Variants in BFSP1 observed in about 807,000 individuals in gnomAD.
BFSP1 encodes beaded filament structural protein 1.
Under a neutral mutation model 43.9 loss-of-function variants are expected in BFSP1, and 38 were observed. That is an observed-to-expected ratio of 0.87 (90% CI 0.67 to 1.14). The LOEUF (loss-of-function observed/expected upper bound fraction) is 1.14, where lower values mean the gene tolerates loss of function less well. BFSP1 is among the 50% of genes most tolerant of loss of function. The pLI is 0.00. For missense variants in BFSP1, 850 were observed against 875.1 expected, an observed-to-expected ratio of 0.97 and a Z score of 0.36; for synonymous variants, 352 against 354.8, an observed-to-expected ratio of 0.99 and a Z score of 0.09.
chr20:17,557,918 T>C (rs535429212), intron 1 of BFSP1, among the ~76,000 whole-genome samples: 94 of 152,332 alleles, frequency 6.2e-4, no homozygotes, highest in African/African-American at 2.2e-3. Flanking sequence ...AATTTTAGTC[T>C]ATTATATTTT....
intron 2 of BFSP1, among the ~76,000 whole-genome samples, chr20:17,517,543 C>G (rs1239960840): frequency 6.6e-6 from 1 of 152,134 alleles, no homozygotes; most frequent in Non-Finnish European, 1.5e-5. Flanking sequence ...CGTGGCCTCC[C>G]AAAGTGCTGG....
At chr20:17,510,361 T>C (rs191563915) in intron 4 of BFSP1, among the ~76,000 whole-genome samples, 2 of 152,330 alleles carry the variant, frequency 1.3e-5, no homozygotes, top group East Asian at 1.9e-4. Context: ...TAAAACACCT[T>C]TGAGTTAGAG....
chr20:17,515,682 T>C (rs2034182589), intron 2 of BFSP1, among the ~76,000 whole-genome samples: 1 of 152,238 alleles, frequency 6.6e-6, no homozygotes, highest in Non-Finnish European at 1.5e-5. Flanking sequence ...TTATATACTT[T>C]GGCATCTTCG....
intron 5 of BFSP1, among the ~76,000 whole-genome samples, chr20:17,502,776 G>A (rs989090669): frequency 4.6e-5 from 7 of 152,098 alleles, no homozygotes; most frequent in East Asian, 3.8e-4. Context: ...TCAAACAGTC[G>A]CCTGTAATAG....
rs11905929 is a variant in BFSP1, at chr20:17,558,457, G to A, written c.2+231C>T. Among the ~76,000 whole-genome samples, 2,765 of 152,216 alleles carry A rather than the reference G, an allele frequency of 0.018. 108 individuals are homozygous for A. The highest frequency in any genetic ancestry group is 0.063 in the African/African-American group (2,619 of 41,504). ...GAAGTGGAGCCACACTTTATTTACC[G>A]AATATGCACTTCTTGTTTCTTGTAA... On this transcript the variant is annotated intron_variant, in intron 1 of 7. Transcript: ENST00000377868.
rs1213119708 is a variant in BFSP1 at position 17,494,158 on chromosome 20, T to C, written c.1914A>G (p.Thr638=). Residue 638 remains threonine (T), a synonymous_variant, in exon 8 of 8, where the codon ACA becomes ACG. Transcript: ENST00000377873. Reference sequence around the variant, plus strand: ...CCACGATCACAGCGGTTTCTTCATATGTCTGAATGCTCTCCGTGGAAATCT... The same window carrying C: ...CCACGATCACAGCGGTTTCTTCATACGTCTGAATGCTCTCCGTGGAAATCT... ...IEKISTESIQ[T]YEETAVIVET... is the part of the protein sequence containing the mutation. 7 of 1,614,094 alleles carry C rather than the reference T, an allele frequency of 4.3e-6. No homozygotes were observed. Among genetic ancestry groups the C allele is most frequent in the Non-Finnish European group, 5.1e-6 (6 of 1,180,054 alleles).
Position 17,544,626 on chromosome 20 carries a change from G to C in BFSP1, c.2+14062C>G, listed in dbSNP as rs143542160. Among the ~76,000 whole-genome samples, 1,178 of 152,290 alleles carry C rather than the reference G, an allele frequency of 7.7e-3. 7 individuals are homozygous for C. The highest frequency in any genetic ancestry group is 0.017 in the South Asian group (81 of 4,820). On this transcript the variant is annotated intron_variant, in intron 1 of 7. Transcript: ENST00000377868. The stretch of plus-strand genomic sequence containing the variant: ...ACCTAACTTAAAAAAATCAGTATGA[G>C]AGTTCCCATTAAATCAACACAGAGT...
At chr20:17,515,276 A>G (rs2034174616) in intron 2 of BFSP1, among the ~76,000 whole-genome samples, 1 of 152,244 alleles carries the variant, frequency 6.6e-6, no homozygotes, top group African/African-American at 2.4e-5. Context: ...GTATATTTAC[A>G]TACCAAATAA....
At chr20:17,520,681 T>C (rs2034304231) in intron 2 of BFSP1, among the ~76,000 whole-genome samples, 1 of 152,154 alleles carries the variant, frequency 6.6e-6, no homozygotes, top group African/African-American at 2.4e-5. Context: ...TTTGCATTCA[T>C]CCTGACTCTT....
At chr20:17,558,815 C>G (rs2035037985) in exon 1 of BFSP1, 1 of 1,370,154 alleles carries the variant, frequency 7.3e-7, no homozygotes, top group African/African-American at 1.5e-5. Context: ...TCCAGAGGGC[C>G]AGGTCTGGGC....
chr20:17,501,488 G>C (rs1360516380), intron 5 of BFSP1, among the ~76,000 whole-genome samples: 1 of 151,986 alleles, frequency 6.6e-6, no homozygotes, highest in South Asian at 2.1e-4. Context: ...CCCGGGAGGT[G>C]GAGTTTGCAG....
chr20:17,531,182 G>C lies in BFSP1; in HGVS notation c.148C>G (p.Arg50Gly). 7.8e-7 allele frequency: 1 copy of C among 1,290,240 alleles called. No homozygotes were observed. Among genetic ancestry groups the C allele is most frequent in the Non-Finnish European group, 9.8e-7 (1 of 1,021,308 alleles). The allele number at this position is 1,290,240 out of a possible 1,614,324, so 79.9% of individuals were successfully genotyped here. The change falls in exon 1 of 8, where the codon CGC becomes GGC. Residue 50 changes from arginine (R) to glycine (G), a missense_variant. Coordinates refer to ENST00000377873, the MANE Select transcript of BFSP1 (RefSeq NM_001195.5). ...GCCCGCTGGACGTGGGCGGCCACGCGCTCGCCGAGCCCCTGCAGCGCCGCC... is the reference window on the plus strand; with the variant it reads ...GCCCGCTGGACGTGGGCGGCCACGCCCTCGCCGAGCCCCTGCAGCGCCGCC... Reference protein sequence around the residue: ...SLAALQGLGERVAAHVQRARA... With the variant: ...SLAALQGLGEGVAAHVQRARA...
upstream of BFSP1, among the ~76,000 whole-genome samples, chr20:17,561,908 T>C (rs2035070233): frequency 6.6e-6 from 1 of 151,704 alleles, no homozygotes; most frequent in Non-Finnish European, 1.5e-5. Flanking sequence ...TAGAGAGAGG[T>C]TTTATACTTT....
At chr20:17,564,425 C>A (rs2035097542) in intron 1 of BFSP1, among the ~76,000 whole-genome samples, 1 of 151,542 alleles carries the variant, frequency 6.6e-6, no homozygotes, top group South Asian at 2.1e-4. Flanking sequence ...TATAACAAAT[C>A]TGAATTGTTT....
intron 1 of BFSP1, among the ~76,000 whole-genome samples, chr20:17,548,103 A>C (rs1166852696): frequency 1.3e-5 from 2 of 148,208 alleles, no homozygotes; most frequent in Non-Finnish European, 3.0e-5. Flanking sequence ...AGTGGGCATA[A>C]TCTATCCAGA....
At chr20:17,495,087 T>C (rs1600626662) in intron 7 of BFSP1, 58 bp from the exon 8 acceptor site, 2 of 1,484,874 alleles carry the variant, frequency 1.3e-6, no homozygotes, top group Non-Finnish European at 1.8e-6. Flanking sequence ...AGAAAGAAAA[T>C]ACGCTGGTTG....
chr20:17,514,852 C>A (rs757558347), intron 2 of BFSP1, 36 bp from the exon 3 acceptor site: 6 of 1,594,944 alleles, frequency 3.8e-6, no homozygotes, highest in Non-Finnish European at 5.2e-6. Flanking sequence ...GCCACAGGCA[C>A]CATGGAGCAT....
chr20:17,552,523 C>T (rs1320086873), intron 1 of BFSP1, among the ~76,000 whole-genome samples: 1 of 152,206 alleles, frequency 6.6e-6, no homozygotes, highest in Non-Finnish European at 1.5e-5. Context: ...TGACCTACAA[C>T]TTAACAGCAT....
At chr20:17,550,988 GC>G (rs747542834) in intron 1 of BFSP1, among the ~76,000 whole-genome samples, 2 of 152,184 alleles carry the variant, frequency 1.3e-5, no homozygotes, top group Non-Finnish European at 2.9e-5. Context: ...CTATGCTCCT[GC>G]TTCCCTAACA....
Sources: gnomAD v4.1 joint callset for allele counts (sites outside exome capture counted in the v4.1 genomes callset) on GRCh38, gnomAD v4.1.1 for gene constraint, MANE v1.5 for transcripts, NCBI Gene and HGNC (gene_info 2026-07-23, HGNC 2026-07-21) for gene names.